The following NEGR1 variants were observed in gnomAD, a reference collection of about 807,000 sequenced individuals.
The protein encoded by NEGR1 is neuronal growth regulator 1.
NEGR1 carries 10 observed loss-of-function variants against 40.9 expected under a neutral mutation model. That is an observed-to-expected ratio of 0.24 (90% CI 0.15 to 0.42). The LOEUF (loss-of-function observed/expected upper bound fraction) is 0.42. Among genes scored for constraint, NEGR1 ranks in the 10% least tolerant of loss-of-function variants. The pLI is 1.00. For missense variants in NEGR1, 352 were observed against 438.9 expected (o/e 0.80, Z 1.77); for synonymous variants, 185 against 166.8 (o/e 1.11, Z -0.84).
chr1:71,502,898 G>A (rs1489997674), intron 6 of NEGR1, among the ~76,000 whole-genome samples: 1 of 152,196 alleles, frequency 6.6e-6, no homozygotes, highest in Non-Finnish European at 1.5e-5. Flanking sequence ...AATGGCCAGA[G>A]ACAGAGGCAG....
chr1:72,242,191 A>G (rs898450134), intron 1 of NEGR1, among the ~76,000 whole-genome samples: 5 of 151,896 alleles, frequency 3.3e-5, no homozygotes, highest in Admixed American at 6.6e-5. Flanking sequence ...TACAAATTAA[A>G]TTATTATCCT....
chr1:72,246,015 C>G (rs1238117046), intron 1 of NEGR1, among the ~76,000 whole-genome samples: 1 of 151,860 alleles, frequency 6.6e-6, no homozygotes, highest in Non-Finnish European at 1.5e-5. Context: ...ATATTCTTAC[C>G]AGTATTTGTC....
intron 3 of NEGR1, among the ~76,000 whole-genome samples, chr1:71,736,450 AT>A (rs35476082): frequency 3.9e-5 from 6 of 152,208 alleles, no homozygotes; most frequent in South Asian, 2.1e-4. Context: ...TTTAAAATGT[AT>A]TTTTTCCCCT....
chr1:71,562,982 T>C (rs1648507440), intron 6 of NEGR1, among the ~76,000 whole-genome samples: 1 of 151,956 alleles, frequency 6.6e-6, no homozygotes, highest in African/African-American at 2.4e-5. Flanking sequence ...TGCTATTTCA[T>C]TGGCCAAAGC....
intron 1 of NEGR1, among the ~76,000 whole-genome samples, chr1:72,233,296 A>C (rs928244490): frequency 1.3e-4 from 20 of 152,284 alleles, no homozygotes; most frequent in African/African-American, 4.8e-4. Flanking sequence ...AAATTTTATA[A>C]TTACAACTTT....
intron 6 of NEGR1, chr1:71,570,940 A>C (rs1468479926): frequency 6.6e-6 from 1 of 152,124 alleles, no homozygotes; most frequent in African/African-American, 2.4e-5. Context: ...ACTGATGTCT[A>C]TCTTTGATAC....
intron 3 of NEGR1, among the ~76,000 whole-genome samples, chr1:71,714,366 C>T (rs1016569472): frequency 6.6e-6 from 1 of 152,140 alleles, no homozygotes; most frequent in African/African-American, 2.4e-5. Context: ...CTGCCTTTGG[C>T]CCCTCCCAAA....
At chr1:71,447,343 G>A (rs889879628) in intron 6 of NEGR1, among the ~76,000 whole-genome samples, 3 of 152,184 alleles carry the variant, frequency 2.0e-5, no homozygotes, top group Non-Finnish European at 4.4e-5. Flanking sequence ...TCAAAGAACT[G>A]CTACCAGAGA....
At chr1:71,623,658 AT>A (rs1460876133) in intron 4 of NEGR1, among the ~76,000 whole-genome samples, 3 of 151,986 alleles carry the variant, frequency 2.0e-5, no homozygotes, top group Admixed American at 6.6e-5. Context: ...CAGCAAAAGA[AT>A]GAGAAGACAA....
chr1:71,536,640 T>C (rs1301863858), intron 6 of NEGR1, among the ~76,000 whole-genome samples: 12 of 151,766 alleles, frequency 7.9e-5, no homozygotes, highest in Non-Finnish European at 1.8e-4. Flanking sequence ...GTCATACTGG[T>C]TGCTAGAAGA....
At chr1:71,519,962 T>TA (rs1647143670) in intron 6 of NEGR1, among the ~76,000 whole-genome samples, 2 of 152,022 alleles carry the variant, frequency 1.3e-5, no homozygotes, top group South Asian at 2.1e-4. Flanking sequence ...AAAGGTCTTT[T>TA]AAAAAATATC....
chr1:71,917,926 G>A (rs1570500283), intron 2 of NEGR1, among the ~76,000 whole-genome samples: 1 of 149,170 alleles, frequency 6.7e-6, no homozygotes, highest in East Asian at 2.0e-4. Context: ...GTTAAAAGAA[G>A]AACACATCAT....
chr1:71,839,008 C>T (rs192684584), intron 2 of NEGR1, among the ~76,000 whole-genome samples: 21 of 152,084 alleles, frequency 1.4e-4, no homozygotes, highest in Admixed American at 1.3e-3. Context: ...TAGTAATCAT[C>T]ACCTAGAAAA....
intron 5 of NEGR1, among the ~76,000 whole-genome samples, chr1:71,602,572 C>T (rs1184743190): frequency 2.0e-5 from 3 of 152,116 alleles, no homozygotes; most frequent in Admixed American, 1.3e-4. Flanking sequence ...TTCTTAACCC[C>T]GTGGAATGTT....
At chr1:72,241,503 T>C (rs1311739460) in intron 1 of NEGR1, among the ~76,000 whole-genome samples, 1 of 151,570 alleles carries the variant, frequency 6.6e-6, no homozygotes, top group East Asian at 1.9e-4. Flanking sequence ...GTAATGTTAG[T>C]ACCATAAACT....
chr1:71,434,267 T>C (rs1359274081), intron 6 of NEGR1, among the ~76,000 whole-genome samples: 2 of 152,214 alleles, frequency 1.3e-5, no homozygotes, highest in Non-Finnish European at 2.9e-5. Flanking sequence ...CTATAAAATA[T>C]AGACAAATCT....
intron 6 of NEGR1, among the ~76,000 whole-genome samples, chr1:71,546,212 A>G (rs903855818): frequency 6.6e-6 from 1 of 151,744 alleles, no homozygotes; most frequent in East Asian, 2.0e-4. Context: ...AGGAATGTCC[A>G]TGGCAAAAAC....
intron 6 of NEGR1, among the ~76,000 whole-genome samples, chr1:71,435,059 C>T (rs1030763322): frequency 6.6e-6 from 1 of 152,002 alleles, no homozygotes; most frequent in Non-Finnish European, 1.5e-5. Context: ...CCAATGCACT[C>T]CAGCCTGGGC....
At chr1:72,144,918 A>C (rs1389618511) in intron 1 of NEGR1, among the ~76,000 whole-genome samples, 1 of 152,072 alleles carries the variant, frequency 6.6e-6, no homozygotes, top group Non-Finnish European at 1.5e-5. Context: ...TTTCATCCAA[A>C]TATAGATATG....
Sources: gnomAD v4.1 joint callset for allele counts (sites outside exome capture counted in the v4.1 genomes callset) on GRCh38, gnomAD v4.1.1 for gene constraint, MANE v1.5 for transcripts, NCBI Gene and HGNC (gene_info 2026-07-23, HGNC 2026-07-21) for gene names.